Variants in CELF4 observed in about 807,000 individuals in gnomAD.
CELF4 encodes CUGBP Elav-like family member 4.
A neutral mutation model predicts 59.9 loss-of-function variants in CELF4; 18 were observed. That is an observed-to-expected ratio of 0.30 (90% confidence interval 0.21 to 0.45). The LOEUF (loss-of-function observed/expected upper bound fraction) is 0.45. CELF4 is among the 20% of genes least tolerant of loss of function. The pLI, the probability that CELF4 is intolerant of heterozygous loss-of-function variation, is 1.00. For synonymous variants in CELF4, 261 were observed against 267.1 expected (o/e 0.98, Z 0.22); for missense variants, 456 against 689.0 (o/e 0.66, Z 3.79).
At chr18:37,397,474 G>T (rs2099259437) in intron 2 of CELF4, among the ~76,000 whole-genome samples, 1 of 152,156 alleles carries the variant, frequency 6.6e-6, no homozygotes, top group Non-Finnish European at 1.5e-5. Context: ...GTAGCTCCAG[G>T]CTTTGGTTTT....
intron 2 of CELF4, among the ~76,000 whole-genome samples, chr18:37,402,043 C>A (rs1279621362): frequency 6.6e-6 from 1 of 152,206 alleles, no homozygotes; most frequent in Non-Finnish European, 1.5e-5. Flanking sequence ...GGAGTTGGGA[C>A]AAATCACTGC....
intron 1 of CELF4, among the ~76,000 whole-genome samples, chr18:37,511,155 C>T (rs1387323980): frequency 6.6e-6 from 1 of 152,214 alleles, no homozygotes; most frequent in Non-Finnish European, 1.5e-5. Context: ...CCTCTCCCTT[C>T]CTTAAAATCC....
At chr18:37,463,278 C>T (rs1298858542) in intron 2 of CELF4, among the ~76,000 whole-genome samples, 1 of 152,176 alleles carries the variant, frequency 6.6e-6, no homozygotes, top group African/African-American at 2.4e-5. Flanking sequence ...TGGCAGCGGG[C>T]ATGGCTGCAC....
At chr18:37,266,720 G>C in intron 8 of CELF4, 122 bp from the exon 9 acceptor site, 1 of 871,422 alleles carries the variant, frequency 1.1e-6, no homozygotes, top group Non-Finnish European at 1.7e-6. Flanking sequence ...TGTGCCCTGG[G>C]GCAGGGCATC....
At chr18:37,384,850 A>C (rs1301410655) in intron 2 of CELF4, among the ~76,000 whole-genome samples, 7 of 152,198 alleles carry the variant, frequency 4.6e-5, no homozygotes, top group African/African-American at 7.2e-5. Context: ...CAGGTCACCC[A>C]GTGAGGTGGC....
intron 2 of CELF4, among the ~76,000 whole-genome samples, chr18:37,377,933 G>C (rs762188370): frequency 3.8e-4 from 58 of 152,268 alleles, no homozygotes; most frequent in Non-Finnish European, 6.6e-4. Flanking sequence ...CCACAGAGGA[G>C]GCAACAGGAG....
At chr18:37,269,517 T>G (rs1601449405) in intron 8 of CELF4, among the ~76,000 whole-genome samples, 1 of 152,116 alleles carries the variant, frequency 6.6e-6, no homozygotes, top group South Asian at 2.1e-4. Flanking sequence ...GCACCCAGAG[T>G]GGGGAACAGG....
At chr18:37,360,852 G>A (rs762678747) in intron 2 of CELF4, among the ~76,000 whole-genome samples, 1 of 152,250 alleles carries the variant, frequency 6.6e-6, no homozygotes, top group Non-Finnish European at 1.5e-5. Context: ...GTGGAGCTAT[G>A]TGATTGCGAC....
chr18:37,388,083 C>A (rs546650772), intron 2 of CELF4, among the ~76,000 whole-genome samples: 2 of 151,888 alleles, frequency 1.3e-5, no homozygotes, highest in Non-Finnish European at 2.9e-5. Context: ...TACTGTACAG[C>A]GCAGTGTGAT....
At chr18:37,432,057 C>G (rs142660321) in intron 2 of CELF4, among the ~76,000 whole-genome samples, 1 of 152,240 alleles carries the variant, frequency 6.6e-6, no homozygotes, top group African/African-American at 2.4e-5. Flanking sequence ...TGGGCCTGAG[C>G]TGGGAGGCTG....
intron 2 of CELF4, among the ~76,000 whole-genome samples, chr18:37,348,260 G>A (rs548013229): frequency 3.9e-5 from 6 of 152,268 alleles, no homozygotes; most frequent in African/African-American, 1.4e-4. Context: ...TGCCCTTCAC[G>A]TGGTGAGGTG....
chr18:37,500,621 C>T (rs554295599), intron 1 of CELF4, among the ~76,000 whole-genome samples: 10 of 151,690 alleles, frequency 6.6e-5, no homozygotes, highest in African/African-American at 2.2e-4. Context: ...GCAAGCTCCG[C>T]CTCCTGGGTT....
intron 2 of CELF4, among the ~76,000 whole-genome samples, chr18:37,440,978 A>G (rs1310363963): frequency 1.3e-5 from 2 of 152,172 alleles, no homozygotes; most frequent in Admixed American, 6.5e-5. Flanking sequence ...AAGGAATGTG[A>G]ATATTAGATA....
At chr18:37,260,910 G>A (rs909448078) in intron 10 of CELF4, among the ~76,000 whole-genome samples, 1 of 152,066 alleles carries the variant, frequency 6.6e-6, no homozygotes, top group Non-Finnish European at 1.5e-5. Context: ...TCAGAACCGG[G>A]CACAAACATG....
Position 37,347,645 on chromosome 18 carries a change from G to A in CELF4, c.370-25764C>T, listed in dbSNP as rs1290645041. On this transcript the variant is annotated intron_variant, in intron 2 of 12. Transcript: ENST00000420428. ...CCCTTTCTCCTGAGCACATGTCTGC[G>A]GGCATCAAGCCAGCCCCAAACCTGC... is the stretch of plus-strand genomic sequence containing the variant. Among the ~76,000 whole-genome samples, 13 of 152,234 alleles carry A rather than the reference G, an allele frequency of 8.5e-5. No homozygotes were observed. In the South Asian group the frequency reaches 2.1e-3, roughly 24 times the overall value.
At chr18:37,281,809 C>T (rs72900342) in intron 3 of CELF4, among the ~76,000 whole-genome samples, 1 of 152,136 alleles carries the variant, frequency 6.6e-6, no homozygotes, top group Non-Finnish European at 1.5e-5. Context: ...GTGGCCCCCC[C>T]AGGGTGCCTC....
At chr18:37,249,490 C>T (rs142806722) in intron 12 of CELF4, among the ~76,000 whole-genome samples, 1 of 152,272 alleles carries the variant, frequency 6.6e-6, no homozygotes, top group Non-Finnish European at 1.5e-5. Context: ...GAATAGCACA[C>T]AGCCCCTGTC....
chr18:37,280,530 G>A (rs2094000819), intron 3 of CELF4, among the ~76,000 whole-genome samples: 3 of 152,190 alleles, frequency 2.0e-5, no homozygotes, highest in Admixed American at 2.0e-4. Flanking sequence ...GATACATTCA[G>A]TAACTCTGGG....
chr18:37,331,529 C>A (rs1476659683), intron 2 of CELF4, among the ~76,000 whole-genome samples: 1 of 152,070 alleles, frequency 6.6e-6, no homozygotes, highest in Non-Finnish European at 1.5e-5. Context: ...GGCTTTGAGT[C>A]AGGGTGGAAG....
Sources: gnomAD v4.1 joint callset for allele counts (sites outside exome capture counted in the v4.1 genomes callset) on GRCh38, gnomAD v4.1.1 for gene constraint, MANE v1.5 for transcripts, NCBI Gene and HGNC (gene_info 2026-07-23, HGNC 2026-07-21) for gene names.